LYNX1: variants seen among roughly 807,000 people sequenced by gnomAD.
LYNX1 encodes Ly6/neurotoxin 1.
Under a neutral mutation model 8.3 loss-of-function variants are expected in LYNX1, and 8 were observed. The observed-to-expected ratio is 0.97, with a 90% CI of 0.57 to 1.74. The LOEUF is 1.74. Among genes scored for constraint, LYNX1 ranks in the 40% most tolerant of loss-of-function variants. The pLI is 0.00. For missense variants in LYNX1, 158 were observed against 159.7 expected (o/e 0.99, Z 0.06); for synonymous variants, 73 against 67.9 (o/e 1.08, Z -0.37).
Position 142,774,216 on chromosome 8 carries a change from A to C in LYNX1, c.*951T>G. 1 of 940,362 alleles carries C rather than the reference A, an allele frequency of 1.1e-6. No homozygotes were observed. Among genetic ancestry groups the C allele is most frequent in the Non-Finnish European group, 1.2e-6 (1 of 818,186 alleles). 58.3% of individuals were successfully genotyped at this position (940,362 alleles called of 1,614,324 possible). On this transcript the variant is annotated 3_prime_UTR_variant, in exon 4 of 4. Transcript: ENST00000652477. ...AGAGGGTGGCATGCTCCGCCTTCCCACGCCCAGGCCCGCGCCGGCCCCAGG... is the reference window on the plus strand; with the variant it reads ...AGAGGGTGGCATGCTCCGCCTTCCCCCGCCCAGGCCCGCGCCGGCCCCAGG...
rs1435577582 is a variant in LYNX1, at chr8:142,777,197, G to C, written c.-256C>G. On this transcript the variant is annotated 5_prime_UTR_variant, in exon 1 of 4. Transcript: ENST00000652477. ...TGCCTGCCTGAGTCTAATCGTAGGC[G>C]TGTCTGTGTGTCCCGCAGCACCCGT... 1.3e-5 allele frequency: 2 copies of C among 152,974 alleles called. No individual in the cohort carries two copies. Among genetic ancestry groups the C allele is most frequent in the Non-Finnish European group, 2.9e-5 (2 of 68,620 alleles). The allele number at this position is 152,974 out of a possible 1,614,324, so 9.5% of individuals were successfully genotyped here. A position where few individuals can be genotyped will look rare whatever the true frequency, so the allele number is the denominator to read the frequency against.
In LYNX1 at chr8:142,772,899, A is replaced by G; in HGVS notation, c.*2268T>C. On this transcript the variant is annotated 3_prime_UTR_variant, in exon 4 of 4. Transcript: ENST00000652477. ...GGGTGGTGGAAAGGTGGACAGAAGG[A>G]GGCAGGAGGCAGGTGTGAGAAGCTG... 2.0e-6 allele frequency: 2 copies of G among 985,888 alleles called. No individual in the cohort carries two copies. Among genetic ancestry groups the G allele is most frequent in the South Asian group, 9.4e-5 (2 of 21,294 alleles). The allele number at this position is 985,888 out of a possible 1,614,324, so 61.1% of individuals were successfully genotyped here. A position where few individuals can be genotyped will look rare whatever the true frequency, so the allele number is the denominator to read the frequency against.
At position 142,774,042 on chromosome 8, in the gene LYNX1, G is replaced by A; in HGVS notation, c.*1125C>T. ...CCCTGGGAGTCCACACACCCAGCTG[G>A]GGCTTCCACCCTGCCCTCCCAGTGG... On this transcript the variant is annotated 3_prime_UTR_variant, in exon 4 of 4. Coordinates refer to ENST00000652477, the MANE Select transcript of LYNX1 (RefSeq NM_177477.4). 1.0e-6 allele frequency: 1 copy of A among 985,438 alleles called. No homozygotes were observed. The highest frequency in any genetic ancestry group is 1.2e-6 in the Non-Finnish European group (1 of 829,974). The allele number at this position is 985,438 out of a possible 1,614,324, so 61.0% of individuals were successfully genotyped here.
chr8:142,774,046 T>A lies in LYNX1; in HGVS notation c.*1121A>T. ...GGGAGTCCACACACCCAGCTGGGGC[T>A]TCCACCCTGCCCTCCCAGTGGGTGC... On this transcript the variant is annotated 3_prime_UTR_variant, in exon 4 of 4. Coordinates refer to ENST00000652477, the MANE Select transcript of LYNX1 (RefSeq NM_177477.4). The A allele has an allele frequency of 2.0e-6, 2 of 985,394 alleles. No individual in the cohort carries two copies. Among genetic ancestry groups the A allele is most frequent in the Non-Finnish European group, 2.4e-6 (2 of 829,958 alleles). 61.0% of individuals were successfully genotyped at this position (985,394 alleles called of 1,614,324 possible).
In LYNX1 at chr8:142,774,634, G is replaced by A; in HGVS notation, c.*533C>T. 2 of 987,150 alleles carry A rather than the reference G, an allele frequency of 2.0e-6. No homozygotes were observed. Among genetic ancestry groups the A allele is most frequent in the Non-Finnish European group, 2.4e-6 (2 of 831,146 alleles). 61.1% of individuals were successfully genotyped at this position (987,150 alleles called of 1,614,324 possible). ...GGCAGACTTCCTAGCACAGGGGCCG[G>A]TGCCAAAGGCCCTCCTCCCACAGCC... On this transcript the variant is annotated 3_prime_UTR_variant, in exon 4 of 4. Coordinates refer to ENST00000652477, the MANE Select transcript of LYNX1 (RefSeq NM_177477.4).
In LYNX1 at chr8:142,772,679, G is replaced by C. The variant is rs140766180; in HGVS notation, c.*2488C>G. The C allele has an allele frequency of 0.011, 11,002 of 985,626 alleles. 57 individuals are homozygous for C. Among genetic ancestry groups the C allele is most frequent in the Non-Finnish European group, 0.012 (10,274 of 830,058 alleles). The allele number at this position is 985,626 out of a possible 1,614,324, so 61.1% of individuals were successfully genotyped here. The stretch of plus-strand genomic sequence containing the variant: ...GGGGACCCACGTCCATCGCCACCTT[G>C]ATGCATACAACCCGGACAAGTTTAC... On this transcript the variant is annotated 3_prime_UTR_variant, in exon 4 of 4. Transcript: ENST00000652477.
intron 3 of LYNX1, 49 bp downstream of exon 3, chr8:142,775,544 C>A (rs1563840074): frequency 6.4e-7 from 1 of 1,557,864 alleles, no homozygotes; most frequent in Admixed American, 1.9e-5. Flanking sequence ...AGGGCAGAAC[C>A]TCCCCTTCGT....
In LYNX1 at chr8:142,776,050, A is replaced by C; in HGVS notation, c.-93T>G. On this transcript the variant is annotated 5_prime_UTR_variant, in exon 2 of 4. Coordinates refer to ENST00000652477, the MANE Select transcript of LYNX1 (RefSeq NM_177477.4). ...GGGTGGCGCACAGAGGATCCAACTC[A>C]GGGTGGTGCGCAGAGGACGTGGGGC... 2 of 1,474,796 alleles carry C rather than the reference A, an allele frequency of 1.4e-6. No homozygotes were observed. The highest frequency in any genetic ancestry group is 1.9e-6 in the Non-Finnish European group (2 of 1,068,726). The allele number at this position is 1,474,796 out of a possible 1,614,324, so 91.4% of individuals were successfully genotyped here.
Position 142,771,415 on chromosome 8 carries a change from C to T in LYNX1, c.*3752G>A. The stretch of plus-strand genomic sequence containing the variant: ...AGCATTCCCATTTCACCACCCCTTA[C>T]TCCTCAAGATGCAAATGAAGCTCAG... On this transcript the variant is annotated 3_prime_UTR_variant, in exon 4 of 4. Transcript: ENST00000652477. 2 of 985,504 alleles carry T rather than the reference C, an allele frequency of 2.0e-6. No homozygotes were observed. The highest frequency in any genetic ancestry group is 4.7e-5 in the South Asian group (1 of 21,290). The allele number at this position is 985,504 out of a possible 1,614,324, so 61.0% of individuals were successfully genotyped here. A position where few individuals can be genotyped will look rare whatever the true frequency, so the allele number is the denominator to read the frequency against.
Position 142,772,302 on chromosome 8 carries a change from C to T in LYNX1, c.*2865G>A. On this transcript the variant is annotated 3_prime_UTR_variant, in exon 4 of 4. Coordinates refer to ENST00000652477, the MANE Select transcript of LYNX1 (RefSeq NM_177477.4). ...AAGTGGGAACTGGGCCCCCATGGTG[C>T]CCAGTGCCTCTCCCCCTCTCCTCTG... The T allele has an allele frequency of 1.0e-6, 1 of 985,850 alleles. No individual in the cohort carries two copies. Among genetic ancestry groups the T allele is most frequent in the Non-Finnish European group, 1.2e-6 (1 of 830,006 alleles). The allele number at this position is 985,850 out of a possible 1,614,324, so 61.1% of individuals were successfully genotyped here. A position where few individuals can be genotyped will look rare whatever the true frequency, so the allele number is the denominator to read the frequency against.
chr8:142,777,637 G>A, upstream of LYNX1: 1 of 395,604 alleles, frequency 2.5e-6, no homozygotes, highest in Non-Finnish European at 4.4e-6. Context: ...GCCTCGGCCC[G>A]GACCCGTCCC....
chr8:142,772,869 G>C lies in LYNX1; in HGVS notation c.*2298C>G. ...CAGAACCATGTGTGGGGCTGGGACA[G>C]GTCAGGGTGGTGGAAAGGTGGACAG... On this transcript the variant is annotated 3_prime_UTR_variant, in exon 4 of 4. Transcript: ENST00000652477. 1.0e-6 allele frequency: 1 copy of C among 985,988 alleles called. No individual in the cohort carries two copies. The highest frequency in any genetic ancestry group is 4.7e-5 in the South Asian group (1 of 21,300). The allele number at this position is 985,988 out of a possible 1,614,324, so 61.1% of individuals were successfully genotyped here. A position where few individuals can be genotyped will look rare whatever the true frequency, so the allele number is the denominator to read the frequency against.
chr8:142,777,367 C>CCTCGCCCCGGA, upstream of LYNX1: 1 of 93,182 alleles, frequency 1.1e-5, no homozygotes. Flanking sequence ...TCACCGCAGG[C>CCTCGCCCCGGA]CCCGCCCCGG....
At position 142,776,055 on chromosome 8, in the gene LYNX1, GGT is replaced by G; in HGVS notation, c.-100_-99del. 1 of 1,415,050 alleles carries G rather than the reference GGT, an allele frequency of 7.1e-7. No individual in the cohort carries two copies. The highest frequency in any genetic ancestry group is 9.8e-7 in the Non-Finnish European group (1 of 1,018,340). The allele number at this position is 1,415,050 out of a possible 1,614,324, so 87.7% of individuals were successfully genotyped here. A position where few individuals can be genotyped will look rare whatever the true frequency, so the allele number is the denominator to read the frequency against. On this transcript the variant is annotated 5_prime_UTR_variant, in exon 2 of 4. Transcript: ENST00000652477. ...GCGCACAGAGGATCCAACTCAGGGT[GGT>G]GCGCAGAGGACGTGGGGCCGGCCCT...
intron 2 of LYNX1, 23 bp downstream of exon 2, chr8:142,775,883 C>T (rs1334108145): frequency 1.9e-6 from 3 of 1,613,966 alleles, no homozygotes; most frequent in African/African-American, 2.7e-5. Flanking sequence ...TCTGCCCATC[C>T]CTCTGTCCTT....
At chr8:142,775,442 C>T in intron 3 of LYNX1, 79 bp from the exon 4 acceptor site, 2 of 1,584,876 alleles carry the variant, frequency 1.3e-6, no homozygotes, top group East Asian at 4.5e-5. Flanking sequence ...GCATCCACAG[C>T]CATCAGGGCA....
chr8:142,771,941 C>T lies in LYNX1; in HGVS notation c.*3226G>A, dbSNP rs1232480787. On this transcript the variant is annotated 3_prime_UTR_variant, in exon 4 of 4. Coordinates refer to ENST00000652477, the MANE Select transcript of LYNX1 (RefSeq NM_177477.4). ...GACCTGGCCATGTCCCCAGGTCCCA[C>T]CCCAGGGTCACTTCCTGTAGCTCCG... The T allele has an allele frequency of 1.0e-6, 1 of 985,942 alleles. No individual in the cohort carries two copies. Among genetic ancestry groups the T allele is most frequent in the African/African-American group, 1.7e-5 (1 of 57,216 alleles). The allele number at this position is 985,942 out of a possible 1,614,324, so 61.1% of individuals were successfully genotyped here.
chr8:142,774,179 C>T lies in LYNX1; in HGVS notation c.*988G>A, dbSNP rs924208942. The T allele has an allele frequency of 5.1e-5, 50 of 984,502 alleles. No individual in the cohort carries two copies. The African/African-American group carries it at 5.4e-4, about 11-fold the overall frequency. 61.0% of individuals were successfully genotyped at this position (984,502 alleles called of 1,614,324 possible). The stretch of plus-strand genomic sequence containing the variant: ...ACCCCACCCTCCCCACTCCCGCCCC[C>T]GCACGGCCACGAGAGGGTGGCATGC... On this transcript the variant is annotated 3_prime_UTR_variant, in exon 4 of 4. Transcript: ENST00000652477.
Position 142,772,632 on chromosome 8 carries a change from G to A in LYNX1, c.*2535C>T. ...TCCCATTGCCGGGCTGCTATACAGT[G>A]CTCAGGGCCACAGTGCAGTGGGGGG... is the stretch of plus-strand genomic sequence containing the variant. On this transcript the variant is annotated 3_prime_UTR_variant, in exon 4 of 4. Coordinates refer to ENST00000652477, the MANE Select transcript of LYNX1 (RefSeq NM_177477.4). 1 of 985,576 alleles carries A rather than the reference G, an allele frequency of 1.0e-6. No homozygotes were observed. Among genetic ancestry groups the A allele is most frequent in the Non-Finnish European group, 1.2e-6 (1 of 830,028 alleles). 61.1% of individuals were successfully genotyped at this position (985,576 alleles called of 1,614,324 possible).
Sources: allele counts gnomAD v4.1 joint callset, GRCh38; gene constraint gnomAD v4.1.1; transcripts MANE v1.5; gene names NCBI Gene and HGNC (gene_info 2026-07-23, HGNC 2026-07-21).